The following SMC3 variants were observed in gnomAD, a reference collection of about 807,000 sequenced individuals.
SMC3 encodes the protein structural maintenance of chromosomes protein 3.
Under a neutral mutation model 171.8 loss-of-function variants are expected in SMC3, and 20 were observed. The ratio of observed to expected loss-of-function variants is 0.12; its 90% confidence interval spans 0.08 to 0.17. SMC3 has a LOEUF of 0.17. Among genes scored for constraint, SMC3 ranks in the 10% least tolerant of loss-of-function variants. The pLI is 1.00. For synonymous variants in SMC3, 464 were observed against 451.1 expected (o/e 1.03, Z -0.36); for missense variants, 543 against 1,420.4 (o/e 0.38, Z 9.93).
chr10:110,600,603 G>C, intron 22 of SMC3, 57 bp downstream of exon 22: 2 of 871,738 alleles, frequency 2.3e-6, no homozygotes, highest in Admixed American at 1.8e-5. Flanking sequence ...ATGACCTATT[G>C]CAAGTGGTTA....
chr10:110,601,729 G>T lies in SMC3; in HGVS notation c.2737G>T (p.Asp913Tyr). ...RWKNMEKEHM[D>Y]AINHDTKELE... ...GAAAAATATGGAAAAAGAACATATG[G>T]ATGCTATAAATCATGATACTAAAGA... Residue 913 changes from aspartate (D) to tyrosine (Y), a missense_variant, in exon 24 of 29, where the codon GAT (aspartate) becomes TAT (tyrosine). By Grantham distance (160) the Asp-to-Tyr change is radical (BLOSUM62 -3). Transcript: ENST00000361804. 6.2e-7 allele frequency: 1 copy of T among 1,613,652 alleles called. No individual in the cohort carries two copies. Among genetic ancestry groups the T allele is most frequent in the Non-Finnish European group, 8.5e-7 (1 of 1,179,776 alleles).
In SMC3 at chr10:110,601,623, T is replaced by TC. The variant is rs746069363; in HGVS notation, c.2645-8dup. 2.0e-5 allele frequency: 32 copies of TC among 1,609,292 alleles called. No individual in the cohort carries two copies. Among genetic ancestry groups the TC allele is most frequent in the South Asian group, 1.4e-4 (13 of 90,956 alleles). On this transcript the variant is annotated splice_polypyrimidine_tract_variant and intron_variant, in intron 23 of 28. Coordinates refer to ENST00000361804, the MANE Select transcript of SMC3 (RefSeq NM_005445.4). ...ATAGGTATTATAGCCTAATTTTGTT[T>TC]CCCCCCATCTTAGATTTGGACAATT...
intron 19 of SMC3, 129 bp downstream of exon 19, chr10:110,596,679 T>G: frequency 1.2e-6 from 1 of 857,916 alleles, no homozygotes; most frequent in South Asian, 1.9e-5. Context: ...AGCTTATGTT[T>G]GTTTAGCTTT....
chr10:110,584,463 C>T, intron 13 of SMC3, 67 bp downstream of exon 13: 2 of 1,128,656 alleles, frequency 1.8e-6, no homozygotes, highest in Non-Finnish European at 2.6e-6. Flanking sequence ...GTTTTATCTA[C>T]TTCAAGTTTT....
rs746069363 is a variant in SMC3, at chr10:110,601,623, TCC to T, written c.2645-9_2645-8del. 6.2e-7 allele frequency: 1 copy of T among 1,609,292 alleles called. No homozygotes were observed. ...ATAGGTATTATAGCCTAATTTTGTTTCCCCCCATCTTAGATTTGGACAATTCC... is the reference window on the plus strand; with the variant it reads ...ATAGGTATTATAGCCTAATTTTGTTTCCCCATCTTAGATTTGGACAATTCC... On this transcript the variant is annotated splice_polypyrimidine_tract_variant and intron_variant, in intron 23 of 28. Transcript: ENST00000361804.
chr10:110,601,038 G>C lies in SMC3; in HGVS notation c.2552G>C (p.Arg851Thr), dbSNP rs781100559. 1 of 1,613,150 alleles carries C rather than the reference G, an allele frequency of 6.2e-7. No homozygotes were observed. The highest frequency in any genetic ancestry group is 8.5e-7 in the Non-Finnish European group (1 of 1,179,410). The change falls in exon 23 of 29, where the codon AGA becomes ACA. Residue 851 changes from arginine (R) to threonine (T), a missense_variant. This residue lies in a region of SMC3 where 33 missense variants were observed against 33.6 expected (regional missense o/e 0.98). Coordinates refer to ENST00000361804, the MANE Select transcript of SMC3 (RefSeq NM_005445.4). ...DQVEQELNEL[R>T]ETEGGTVLTA... The stretch of plus-strand genomic sequence containing the variant: ...TTGTTACAGGAACTTAATGAGCTGA[G>C]AGAGACAGAAGGGGGTACTGTTCTC...
intron 2 of SMC3, among the ~76,000 whole-genome samples, chr10:110,570,822 A>G (rs1860860119): frequency 6.6e-6 from 1 of 152,202 alleles, no homozygotes; most frequent in Admixed American, 6.5e-5. Context: ...TGTTTAACTA[A>G]AACAAATGAA....
At chr10:110,575,727 G>A (rs1860936819) in intron 4 of SMC3, among the ~76,000 whole-genome samples, 1 of 152,148 alleles carries the variant, frequency 6.6e-6, no homozygotes, top group African/African-American at 2.4e-5. Context: ...ACATGTTAAT[G>A]CCAGATAAAG....
At chr10:110,597,917 T>C (rs1418716056) in intron 19 of SMC3, among the ~76,000 whole-genome samples, 1 of 152,222 alleles carries the variant, frequency 6.6e-6, no homozygotes, top group African/African-American at 2.4e-5. Flanking sequence ...ACAGTATACA[T>C]GTTATTCTGA....
At chr10:110,569,640 A>G (rs1044765463) in intron 2 of SMC3, among the ~76,000 whole-genome samples, 3 of 152,176 alleles carry the variant, frequency 2.0e-5, no homozygotes, top group African/African-American at 7.2e-5. Flanking sequence ...GAAAAAAAAA[A>G]TCCCAGTTGT....
chr10:110,569,029 T>A lies in SMC3; in HGVS notation c.91+16T>A. ...AATGTGATTGGTAAGTGTTCTTGGT[T>A]TACTCGGTCATATTTATAGTCTATA... On this transcript the variant is annotated intron_variant, in intron 2 of 28. Transcript: ENST00000361804. The A allele has an allele frequency of 6.7e-7, 1 of 1,501,672 alleles. No homozygotes were observed. The highest frequency in any genetic ancestry group is 9.3e-7 in the Non-Finnish European group (1 of 1,077,574). 93.0% of individuals were successfully genotyped at this position (1,501,672 alleles called of 1,614,324 possible).
At chr10:110,591,351 G>C (rs185706156) in intron 17 of SMC3, among the ~76,000 whole-genome samples, 110 of 152,278 alleles carry the variant, frequency 7.2e-4, no homozygotes, top group African/African-American at 2.5e-3. Flanking sequence ...TGTAATCCCA[G>C]CTACTTGGGA....
chr10:110,577,702 G>A (rs953524882), intron 5 of SMC3, 133 bp from the exon 6 acceptor site: 39 of 711,160 alleles, frequency 5.5e-5, no homozygotes, highest in Non-Finnish European at 9.1e-5. Context: ...TTGAGTATTT[G>A]TAGTATTATT....
At chr10:110,601,929 AAATTT>A (rs1308430608) in intron 24 of SMC3, 32 bp from the exon 25 acceptor site, 1 of 1,610,058 alleles carries the variant, frequency 6.2e-7, no homozygotes, top group Admixed American at 1.7e-5. Context: ...CTCAGTATAT[AAATTT>A]ATTTATATGA....
Position 110,600,474 on chromosome 10 carries a change from A to G in SMC3, c.2463A>G (p.Leu821=), listed in dbSNP as rs1170983810. 1.3e-6 allele frequency: 2 copies of G among 1,591,716 alleles called. No individual in the cohort carries two copies. Among genetic ancestry groups the G allele is most frequent in the South Asian group, 2.2e-5 (2 of 90,670 alleles). Residue 821 remains leucine (L), a synonymous_variant, in exon 22 of 29, where the codon TTA becomes TTG. Coordinates refer to ENST00000361804, the MANE Select transcript of SMC3 (RefSeq NM_005445.4). ...NRQLLNERIK[L]EGIITRVETY... ...AGTTGCTAAATGAAAGAATTAAATT[A>G]GAAGGTATTATTACTCGAGTAGAGA...
rs1564788838 is a variant in SMC3 at position 110,577,500 on chromosome 10, A to G, written c.270+8A>G. 4.4e-6 allele frequency: 7 copies of G among 1,592,300 alleles called. No individual in the cohort carries two copies. Among genetic ancestry groups the G allele is most frequent in the Non-Finnish European group, 6.0e-6 (7 of 1,161,088 alleles). ...TCAGACAACCGGTTACCAGTAAGTA[A>G]CTTTTTTTTTAAAGTAATGTTGAGA... On this transcript the variant is annotated splice_region_variant and intron_variant, in intron 5 of 28. Coordinates refer to ENST00000361804, the MANE Select transcript of SMC3 (RefSeq NM_005445.4).
At chr10:110,580,753 AAAAATCT>A (rs1861018531) in intron 7 of SMC3, 144 bp from the exon 8 acceptor site, 2 of 651,504 alleles carry the variant, frequency 3.1e-6, no homozygotes, top group African/African-American at 3.7e-5. Context: ...CAAAACTTGA[AAAAATCT>A]AAAATCTGTA....
intron 7 of SMC3, among the ~76,000 whole-genome samples, chr10:110,580,443 A>G (rs537174948): frequency 2.0e-5 from 3 of 152,354 alleles, no homozygotes; most frequent in African/African-American, 7.2e-5. Context: ...TGTTAGCCCT[A>G]TTCATAAAGG....
rs1404657130 is a variant in SMC3 at position 110,600,498 on chromosome 10, G to A, written c.2487G>A (p.Glu829=). ...TAGAAGGTATTATTACTCGAGTAGA[G>A]ACTTATCTCAATGAGAATCTGAGAA... ...IKLEGIITRV[E]TYLNENLRKR... Residue 829 remains glutamate (E), a synonymous_variant, in exon 22 of 29, where the codon GAG becomes GAA. Transcript: ENST00000361804. 11 of 1,596,102 alleles carry A rather than the reference G, an allele frequency of 6.9e-6. No homozygotes were observed. In the Admixed American group the frequency reaches 1.8e-4, roughly 27 times the overall value.
Sources: gnomAD v4.1 joint callset for allele counts (sites outside exome capture counted in the v4.1 genomes callset) on GRCh38, gnomAD v4.1.1 for gene constraint, gnomAD v4.1.1 regional missense constraint, MANE v1.5 for transcripts, NCBI Gene and HGNC (gene_info 2026-07-23, HGNC 2026-07-21) for gene names.